PRIM2: variants seen among roughly 807,000 people sequenced by gnomAD.
The protein encoded by PRIM2 is DNA primase large subunit.
PRIM2 carries 39 observed loss-of-function variants against 67.3 expected under a neutral mutation model. The observed-to-expected ratio is 0.58, with a 90% CI of 0.45 to 0.76. The LOEUF (loss-of-function observed/expected upper bound fraction) is 0.76, where lower values mean the gene tolerates loss of function less well. PRIM2 is among the 30% of genes least tolerant of loss of function. The pLI, the probability that PRIM2 is intolerant of heterozygous loss-of-function variation, is 0.00. For missense variants in PRIM2, 398 were observed against 598.7 expected, an observed-to-expected ratio of 0.66 and a Z score of 3.50; for synonymous variants, 143 against 198.7, an observed-to-expected ratio of 0.72 and a Z score of 2.36.
At chr6:57,245,161 C>T in the PRIM2 span, among the ~76,000 whole-genome samples, 2 of 152,164 alleles carry the variant, frequency 1.3e-5, no homozygotes, top group South Asian at 2.1e-4. Flanking sequence ...ACCTTGGAGC[C>T]CTATGGTGCC....
chr6:57,228,030 A>AT, the PRIM2 span, among the ~76,000 whole-genome samples: 1 of 152,156 alleles, frequency 6.6e-6, no homozygotes, highest in Non-Finnish European at 1.5e-5. Flanking sequence ...CTAATTCTTA[A>AT]TTTTTTAACC....
At chr6:57,260,261 C>T in the PRIM2 span, among the ~76,000 whole-genome samples, 1 of 152,216 alleles carries the variant, frequency 6.6e-6, no homozygotes, top group Non-Finnish European at 1.5e-5. Flanking sequence ...GACAGAATCT[C>T]TGTCTGACAT....
chr6:57,334,694 C>T (rs185858911), intron 5 of PRIM2, among the ~76,000 whole-genome samples: 1 of 152,156 alleles, frequency 6.6e-6, no homozygotes, highest in African/African-American at 2.4e-5. Context: ...TTTCACCTCA[C>T]AGATTAGTGA....
chr6:57,390,746 A>G (rs1385042488), intron 7 of PRIM2, among the ~76,000 whole-genome samples: 2 of 152,194 alleles, frequency 1.3e-5, no homozygotes, highest in African/African-American at 2.4e-5. Context: ...ATAGTATTCC[A>G]TAATGTATGT....
At chr6:57,522,860 A>G (rs1275753675) in intron 8 of PRIM2, among the ~76,000 whole-genome samples, 2 of 152,348 alleles carry the variant, frequency 1.3e-5, no homozygotes, top group East Asian at 3.9e-4. Context: ...TTTCATTTAA[A>G]TCTCTACTGT....
At chr6:57,594,571 A>T (rs1221267604) in intron 10 of PRIM2, among the ~76,000 whole-genome samples, 1 of 152,264 alleles carries the variant, frequency 6.6e-6, no homozygotes, top group Non-Finnish European at 1.5e-5. Context: ...AATGGGAAAA[A>T]GAAAGTGTCT....
At chr6:57,478,389 G>A (rs1773531050) in intron 7 of PRIM2, among the ~76,000 whole-genome samples, 1 of 148,872 alleles carries the variant, frequency 6.7e-6, no homozygotes, top group South Asian at 2.1e-4. Context: ...CTGGGGTGCT[G>A]GGGCATGGTG....
intron 11 of PRIM2, among the ~76,000 whole-genome samples, chr6:57,603,530 A>G (rs1776507473): frequency 6.6e-6 from 1 of 151,926 alleles, no homozygotes; most frequent in Non-Finnish European, 1.5e-5. Context: ...ATTCTGTTTC[A>G]TTAGTCTATG....
At chr6:57,430,871 A>T (rs1449982049) in intron 7 of PRIM2, among the ~76,000 whole-genome samples, 10 of 152,186 alleles carry the variant, frequency 6.6e-5, no homozygotes, top group Non-Finnish European at 1.2e-4. Context: ...GATAATTTTT[A>T]AGTGTATCCT....
intron 2 of PRIM2, among the ~76,000 whole-genome samples, chr6:57,319,920 T>C (rs1260441140): frequency 1.3e-5 from 2 of 152,224 alleles, no homozygotes; most frequent in African/African-American, 4.8e-5. Context: ...ATAATTCATC[T>C]GAGGAAAGAT....
At chr6:57,373,547 G>T (rs1251436849) in intron 5 of PRIM2, among the ~76,000 whole-genome samples, 5 of 151,952 alleles carry the variant, frequency 3.3e-5, no homozygotes, top group Non-Finnish European at 7.4e-5. Flanking sequence ...GTCCTGATTG[G>T]TAATGCCAAT....
chr6:57,590,395 G>A (rs1776264185), intron 10 of PRIM2, among the ~76,000 whole-genome samples: 1 of 152,214 alleles, frequency 6.6e-6, no homozygotes, highest in East Asian at 1.9e-4. Context: ...TAGAAGAAGG[G>A]ATTCCAGTAT....
chr6:57,456,364 A>G (rs1251885363), intron 7 of PRIM2, among the ~76,000 whole-genome samples: 12 of 152,170 alleles, frequency 7.9e-5, no homozygotes, highest in Admixed American at 2.6e-4. Flanking sequence ...TCTCCTGGAT[A>G]ATATCCTGCA....
chr6:57,636,463 C>T (rs1777123970), intron 13 of PRIM2, among the ~76,000 whole-genome samples: 1 of 152,156 alleles, frequency 6.6e-6, no homozygotes, highest in Admixed American at 6.5e-5. Context: ...CAAAAGGAAA[C>T]AGCCATATAC....
At chr6:57,431,089 GACAC>G (rs1241396224) in intron 7 of PRIM2, among the ~76,000 whole-genome samples, 7 of 152,112 alleles carry the variant, frequency 4.6e-5, no homozygotes, top group African/African-American at 1.4e-4. Flanking sequence ...TACACACACA[GACAC>G]ACACACAATC....
At chr6:57,463,940 T>G (rs1320997002) in intron 7 of PRIM2, among the ~76,000 whole-genome samples, 1 of 152,224 alleles carries the variant, frequency 6.6e-6, no homozygotes, top group African/African-American at 2.4e-5. Flanking sequence ...TTTTAGTTGC[T>G]GGAATGCTGA....
intron 12 of PRIM2, among the ~76,000 whole-genome samples, chr6:57,614,265 C>G (rs1776715428): frequency 2.0e-5 from 3 of 152,222 alleles, no homozygotes; most frequent in Admixed American, 2.0e-4. Flanking sequence ...TGAGGTGAAA[C>G]AGTTTCATCC....
chr6:57,615,912 A>T (rs1421596355), intron 12 of PRIM2, among the ~76,000 whole-genome samples: 2 of 152,124 alleles, frequency 1.3e-5, no homozygotes, highest in Non-Finnish European at 2.9e-5. Flanking sequence ...CAAACAATAA[A>T]TACATAAAGT....
At chr6:57,329,874 T>C (rs1767996261) in intron 5 of PRIM2, among the ~76,000 whole-genome samples, 2 of 152,242 alleles carry the variant, frequency 1.3e-5, no homozygotes, top group South Asian at 2.1e-4. Context: ...TATCCTTATG[T>C]CAGTAGTATG....
Sources: gnomAD v4.1 joint callset for allele counts (sites outside exome capture counted in the v4.1 genomes callset) on GRCh38, gnomAD v4.1.1 for gene constraint, MANE v1.5 for transcripts, NCBI Gene and HGNC (gene_info 2026-07-23, HGNC 2026-07-21) for gene names.